Variants in TECTB observed in about 807,000 individuals in gnomAD.
TECTB encodes the protein beta-tectorin.
TECTB carries 45 observed loss-of-function variants against 43.3 expected under a neutral mutation model. The ratio of observed to expected loss-of-function variants is 1.04; its 90% CI spans 0.82 to 1.33. The LOEUF (loss-of-function observed/expected upper bound fraction) is 1.33. TECTB is among the 40% of genes most tolerant of loss of function. The probability of loss-of-function intolerance (pLI) is 0.00; values close to 1 mark genes in which losing one functional copy is unlikely to be tolerated. For synonymous variants in TECTB, 169 were observed against 156.7 expected, an observed-to-expected ratio of 1.08 and a Z score of -0.59; for missense variants, 399 against 404.7, an observed-to-expected ratio of 0.99 and a Z score of 0.12.
chr10:112,284,677 C>T lies in TECTB; in HGVS notation c.219C>T (p.Ile73=). 6.2e-7 allele frequency: 1 copy of T among 1,611,956 alleles called. No individual in the cohort carries two copies. The highest frequency in any genetic ancestry group is 8.5e-7 in the Non-Finnish European group (1 of 1,179,010). ...VHEGGYYQFV[I]PDLSPKNKSY... The stretch of plus-strand genomic sequence containing the variant: ...AAGGAGGTTACTACCAATTTGTGAT[C>T]CCAGATTTATCACCTAAAAACAAGT... The change falls in exon 3 of 11, where the codon ATC becomes ATT. Residue 73 remains isoleucine, a synonymous_variant. Coordinates refer to ENST00000646139, the MANE Select transcript of TECTB (RefSeq NM_058222.3).
In TECTB at chr10:112,286,234, G is replaced by A. The variant is rs758206819; in HGVS notation, c.410+21G>A. 4.3e-6 allele frequency: 7 copies of A among 1,614,146 alleles called. No individual in the cohort carries two copies. In the African/African-American group the frequency reaches 8.0e-5, roughly 18 times the overall value. ...CAGAGGTAAGTTGCTGTGCGGCATG[G>A]AGGGCTGGCTGCCTCATGTGTGTAC... On this transcript the variant is annotated intron_variant, in intron 4 of 10. Coordinates refer to ENST00000646139, the MANE Select transcript of TECTB (RefSeq NM_058222.3).
intron 7 of TECTB, among the ~76,000 whole-genome samples, chr10:112,296,198 A>G (rs116702101): frequency 3.0e-3 from 451 of 152,246 alleles, no homozygotes; most frequent in African/African-American, 0.01. Flanking sequence ...AAGTTCCTGG[A>G]GAGATGGCAG....
chr10:112,284,860 T>C (rs1848441499), intron 3 of TECTB, 135 bp downstream of exon 3: 3 of 707,668 alleles, frequency 4.2e-6, no homozygotes, highest in Non-Finnish European at 6.2e-6. Context: ...GATTCCCAAA[T>C]ATCCTGGAAT....
At chr10:112,298,946 G>A (rs1194926865) in intron 8 of TECTB, among the ~76,000 whole-genome samples, 1 of 152,164 alleles carries the variant, frequency 6.6e-6, no homozygotes, top group East Asian at 1.9e-4. Flanking sequence ...ACAAAAATAA[G>A]GTCATAATCT....
chr10:112,292,818 C>T lies in TECTB; in HGVS notation c.484-920C>T, dbSNP rs115388902. On this transcript the variant is annotated intron_variant, in intron 5 of 10. Coordinates refer to ENST00000646139, the MANE Select transcript of TECTB (RefSeq NM_058222.3). ...ACCCCGCTCCCCACTCTCCACCCTC[C>T]TGCCTCACTTACTTGCTCCAGCCAC... Among the ~76,000 whole-genome samples the T allele has an allele frequency of 7.5e-3, 1,148 of 152,282 alleles. 13 individuals are homozygous for T. The highest frequency in any genetic ancestry group is 0.012 in the Non-Finnish European group (787 of 68,014).
At chr10:112,302,077 G>C in intron 9 of TECTB, 24 bp from the exon 10 acceptor site, 1 of 1,612,692 alleles carries the variant, frequency 6.2e-7, no homozygotes, top group Non-Finnish European at 8.5e-7. Flanking sequence ...TAAACTTTCT[G>C]CATTCTCTCT....
intron 7 of TECTB, among the ~76,000 whole-genome samples, chr10:112,295,490 CTCAG>C (rs1397560772): frequency 6.6e-6 from 1 of 152,258 alleles, no homozygotes; most frequent in Non-Finnish European, 1.5e-5. Flanking sequence ...GGGATTCAGA[CTCAG>C]TCAGTGTTAC....
chr10:112,292,296 T>C (rs1348035668), intron 5 of TECTB, among the ~76,000 whole-genome samples: 1 of 152,116 alleles, frequency 6.6e-6, no homozygotes. Context: ...ACCCAGCATG[T>C]CCTGATGAGA....
At position 112,305,013 on chromosome 10, in the gene TECTB, T is replaced by G. The variant is rs1848641055; in HGVS notation, c.*1701T>G. ...TGTATCTCTACCTGGCGCTATGGAA[T>G]AAATAAAATGCCTTAAAATAAATAA... On this transcript the variant is annotated 3_prime_UTR_variant, in exon 11 of 11. Transcript: ENST00000646139. The G allele has an allele frequency of 6.6e-6, 1 of 152,172 alleles. No homozygotes were observed. Among genetic ancestry groups the G allele is most frequent in the African/African-American group, 2.4e-5 (1 of 41,454 alleles). 9.4% of individuals were successfully genotyped at this position (152,172 alleles called of 1,614,324 possible). A position where few individuals can be genotyped will look rare whatever the true frequency, so the allele number is the denominator to read the frequency against.
intron 5 of TECTB, among the ~76,000 whole-genome samples, chr10:112,290,630 G>A (rs758631946): frequency 3.3e-5 from 5 of 152,130 alleles, no homozygotes; most frequent in Admixed American, 1.3e-4. Context: ...GGACTACATC[G>A]GGGTCCCCAG....
intron 9 of TECTB, 55 bp downstream of exon 9, chr10:112,299,619 C>T (rs1181217175): frequency 3.2e-6 from 5 of 1,580,166 alleles, no homozygotes; most frequent in East Asian, 2.2e-5. Context: ...CGCTGGGCTG[C>T]GTCCACAGGC....
chr10:112,286,040 T>G (rs778860876), intron 3 of TECTB, 31 bp from the exon 4 acceptor site: 1 of 1,613,226 alleles, frequency 6.2e-7, no homozygotes, highest in Non-Finnish European at 8.5e-7. Flanking sequence ...GGGAAACAGA[T>G]TCATCCTGAC....
chr10:112,299,265 G>T (rs1461628746), intron 8 of TECTB, among the ~76,000 whole-genome samples: 1 of 152,226 alleles, frequency 6.6e-6, no homozygotes, highest in African/African-American at 2.4e-5. Context: ...GGCTTGAAGA[G>T]TTAACAAAGT....
intron 1 of TECTB, 41 bp downstream of exon 1, chr10:112,283,537 C>T (rs1848429550): frequency 1.7e-6 from 1 of 579,970 alleles, no homozygotes; most frequent in Non-Finnish European, 3.0e-6. Context: ...TAACAGGAAA[C>T]AATTAGAAAC....
chr10:112,299,398 T>C, intron 8 of TECTB, 94 bp from the exon 9 acceptor site: 1 of 1,294,954 alleles, frequency 7.7e-7, no homozygotes, highest in East Asian at 2.4e-5. Flanking sequence ...TTTGTGACCT[T>C]TTTAAAATAT....
In TECTB at chr10:112,284,528, T is replaced by C; in HGVS notation, c.77-7T>C. The C allele has an allele frequency of 6.3e-7, 1 of 1,597,242 alleles. No homozygotes were observed. Among genetic ancestry groups the C allele is most frequent in the Non-Finnish European group, 8.5e-7 (1 of 1,170,238 alleles). ...CTGATTTTAAACTATATGTGTGCTC[T>C]TTCCAGATGTCATTCTTGTGTTTTG... On this transcript the variant is annotated splice_polypyrimidine_tract_variant and splice_region_variant and intron_variant, in intron 2 of 10. Coordinates refer to ENST00000646139, the MANE Select transcript of TECTB (RefSeq NM_058222.3).
intron 5 of TECTB, among the ~76,000 whole-genome samples, chr10:112,292,811 C>T (rs959631987): frequency 1.3e-5 from 2 of 152,136 alleles, no homozygotes; most frequent in African/African-American, 4.8e-5. Flanking sequence ...CCCCACTCTC[C>T]ACCCTCCTGC....
chr10:112,288,408 G>A lies in TECTB; in HGVS notation c.483+2017G>A, dbSNP rs1451435212. Among the ~76,000 whole-genome samples the A allele has an allele frequency of 2.0e-5, 3 of 152,238 alleles. No homozygotes were observed. In the East Asian group the frequency reaches 5.8e-4, roughly 29 times the overall value. On this transcript the variant is annotated intron_variant, in intron 5 of 10. Coordinates refer to ENST00000646139, the MANE Select transcript of TECTB (RefSeq NM_058222.3). Reference sequence around the variant, plus strand: ...GGCCATCCTCTGGGCTGGACAGACAGATAACGGGACACTCCCTTCAACAAG... The same window carrying A: ...GGCCATCCTCTGGGCTGGACAGACAAATAACGGGACACTCCCTTCAACAAG...
intron 5 of TECTB, among the ~76,000 whole-genome samples, chr10:112,288,612 C>T (rs975936891): frequency 6.6e-6 from 1 of 152,190 alleles, no homozygotes; most frequent in Admixed American, 6.5e-5. Flanking sequence ...CTCCCTTCTT[C>T]CACTTTCAGA....
Sources: allele counts gnomAD v4.1 joint callset (sites outside exome capture counted in the v4.1 genomes callset), GRCh38; gene constraint gnomAD v4.1.1; transcripts MANE v1.5; gene names NCBI Gene and HGNC (gene_info 2026-07-23, HGNC 2026-07-21).